The following SAMD5 variants were observed in gnomAD, a reference collection of about 807,000 sequenced individuals.
SAMD5 encodes sterile alpha motif domain containing 5, also known as sterile alpha motif domain-containing protein 5.
SAMD5 carries 13 observed loss-of-function variants against 11.3 expected under a neutral mutation model. That is an observed-to-expected ratio of 1.15 (90% CI 0.75 to 1.83). The LOEUF (loss-of-function observed/expected upper bound fraction) is 1.83, where lower values mean the gene tolerates loss of function less well. SAMD5 is among the 40% of genes most tolerant of loss of function. The probability of loss-of-function intolerance (pLI) is 0.00; values close to 1 mark genes in which losing one functional copy is unlikely to be tolerated. For missense variants in SAMD5, 255 were observed against 239.1 expected (o/e 1.07, Z -0.44); for synonymous variants, 129 against 111.3 (o/e 1.16, Z -1.00).
At chr6:147,914,944 T>C in the SAMD5 span, among the ~76,000 whole-genome samples, 2 of 152,124 alleles carry the variant, frequency 1.3e-5, no homozygotes, top group African/African-American at 4.8e-5. Flanking sequence ...TTTTCAGAAA[T>C]TTACATATCA....
chr6:147,657,475 G>A (rs779417900), intron 1 of SAMD5, among the ~76,000 whole-genome samples: 8 of 152,102 alleles, frequency 5.3e-5, no homozygotes, highest in Non-Finnish European at 7.4e-5. Flanking sequence ...GAGAGAGAGT[G>A]AGTAAGCGTG....
intron 1 of SAMD5, among the ~76,000 whole-genome samples, chr6:147,660,250 T>G (rs1320970169): frequency 6.6e-6 from 1 of 152,222 alleles, no homozygotes; most frequent in Non-Finnish European, 1.5e-5. Context: ...CTCTTCATAT[T>G]CTACCATTTA....
chr6:147,575,557 GTGTT>G, intron 1 of SAMD5, among the ~76,000 whole-genome samples: 1 of 152,308 alleles, frequency 6.6e-6, no homozygotes, highest in East Asian at 1.9e-4. Flanking sequence ...GGTTTCATAC[GTGTT>G]AAATTTGAAA....
chr6:147,646,919 C>T (rs768861984), intron 1 of SAMD5, among the ~76,000 whole-genome samples: 2 of 150,954 alleles, frequency 1.3e-5, no homozygotes, highest in Non-Finnish European at 2.9e-5. Flanking sequence ...GGGTGTATCA[C>T]CTGAGGTCAG....
chr6:147,741,943 C>T (rs529890835), downstream of SAMD5: 4 of 152,232 alleles, frequency 2.6e-5, no homozygotes, highest in South Asian at 2.1e-4. Flanking sequence ...GTCCCACCCA[C>T]GTCTATTTCC....
chr6:147,927,230 T>C, the SAMD5 span, among the ~76,000 whole-genome samples: 1 of 152,242 alleles, frequency 6.6e-6, no homozygotes, highest in African/African-American at 2.4e-5. Flanking sequence ...GGGAATAGCA[T>C]TGAATCCGTA....
chr6:147,612,963 C>G (rs966335666), intron 1 of SAMD5, among the ~76,000 whole-genome samples: 1 of 151,964 alleles, frequency 6.6e-6, no homozygotes, highest in East Asian at 1.9e-4. Flanking sequence ...CTTTGGGAGG[C>G]CTAGGCGGGT....
At chr6:147,633,660 A>G (rs1316947485) in intron 1 of SAMD5, among the ~76,000 whole-genome samples, 2 of 151,714 alleles carry the variant, frequency 1.3e-5, no homozygotes, top group East Asian at 3.9e-4. Context: ...CCAATCTGGT[A>G]ATTTGTATAT....
the SAMD5 span, among the ~76,000 whole-genome samples, chr6:147,886,673 G>A: frequency 2.0e-5 from 3 of 152,052 alleles, no homozygotes; most frequent in African/African-American, 7.2e-5. Flanking sequence ...GGAAGCAAAC[G>A]GCCATATTAT....
chr6:147,789,259 A>T, the SAMD5 span, among the ~76,000 whole-genome samples: 1 of 149,118 alleles, frequency 6.7e-6, no homozygotes, highest in Admixed American at 6.8e-5. Flanking sequence ...ACGATGGCAT[A>T]AGACCCAGTC....
the SAMD5 span, among the ~76,000 whole-genome samples, chr6:147,822,057 C>G: frequency 6.6e-6 from 1 of 152,102 alleles, no homozygotes; most frequent in Non-Finnish European, 1.5e-5. Flanking sequence ...TATCTATAAC[C>G]TGAAACTAAC....
intron 1 of SAMD5, among the ~76,000 whole-genome samples, chr6:147,551,310 C>T (rs917779984): frequency 4.6e-5 from 7 of 152,156 alleles, no homozygotes; most frequent in Admixed American, 4.6e-4. Context: ...AGCTAACTCC[C>T]TTATTTCATA....
intron 1 of SAMD5, among the ~76,000 whole-genome samples, chr6:147,685,247 A>G (rs1402784866): frequency 6.6e-6 from 1 of 152,114 alleles, no homozygotes; most frequent in African/African-American, 2.4e-5. Flanking sequence ...CTCAGGCTGG[A>G]GTGCAATGGT....
At chr6:147,575,916 A>C (rs1789210551) in intron 1 of SAMD5, among the ~76,000 whole-genome samples, 1 of 152,144 alleles carries the variant, frequency 6.6e-6, no homozygotes, top group Non-Finnish European at 1.5e-5. Context: ...TCATGGAACA[A>C]TATCAATTTT....
intron 1 of SAMD5, among the ~76,000 whole-genome samples, chr6:147,705,249 A>G (rs1160742559): frequency 1.3e-5 from 2 of 152,196 alleles, no homozygotes; most frequent in Non-Finnish European, 2.9e-5. Flanking sequence ...TGAGTAGAGG[A>G]TATGTGCTTT....
chr6:147,518,578 C>A (rs1267997298), intron 1 of SAMD5, among the ~76,000 whole-genome samples: 2 of 152,094 alleles, frequency 1.3e-5, no homozygotes, highest in Non-Finnish European at 2.9e-5. Flanking sequence ...GGGCTGGTCC[C>A]AGAAATAAAG....
At chr6:147,603,736 G>C (rs1395794344) in intron 1 of SAMD5, among the ~76,000 whole-genome samples, 25 of 151,780 alleles carry the variant, frequency 1.6e-4, no homozygotes, top group Non-Finnish European at 2.8e-4. Context: ...CATGTAAATT[G>C]ACATTTGGCA....
chr6:147,529,591 C>G (rs928653226), intron 1 of SAMD5, among the ~76,000 whole-genome samples: 1 of 152,124 alleles, frequency 6.6e-6, no homozygotes, highest in Non-Finnish European at 1.5e-5. Context: ...AGGAAGCCTT[C>G]CAGAAGGTTT....
chr6:147,952,078 T>C, the SAMD5 span, among the ~76,000 whole-genome samples: 1 of 152,196 alleles, frequency 6.6e-6, no homozygotes, highest in African/African-American at 2.4e-5. Context: ...TAGGAAGTTC[T>C]TTCAGTTTTT....
Sources: gnomAD v4.1 joint callset for allele counts (sites outside exome capture counted in the v4.1 genomes callset) on GRCh38, gnomAD v4.1.1 for gene constraint, MANE v1.5 for transcripts, NCBI Gene and HGNC (gene_info 2026-07-23, HGNC 2026-07-21) for gene names.